CCSER1: variants seen among roughly 807,000 people sequenced by gnomAD.
CCSER1 encodes coiled-coil serine rich protein 1, also known as serine-rich coiled-coil domain-containing protein 1.
In CCSER1, 41 loss-of-function variants were observed where a neutral mutation model predicts 82.0. The ratio of observed to expected loss-of-function variants is 0.50; its 90% CI spans 0.39 to 0.65. CCSER1 has a LOEUF of 0.65. CCSER1 is among the 30% of genes least tolerant of loss of function. The probability of loss-of-function intolerance (pLI) is 0.00; values close to 1 mark genes in which losing one functional copy is unlikely to be tolerated. For synonymous variants in CCSER1, 414 were observed against 383.9 expected (o/e 1.08, Z -0.92); for missense variants, 1,119 against 1,064.2 (o/e 1.05, Z -0.72).
intron 4 of CCSER1, among the ~76,000 whole-genome samples, chr4:90,444,096 C>G (rs1163389428): frequency 6.6e-6 from 1 of 151,914 alleles, no homozygotes; most frequent in Non-Finnish European, 1.5e-5. Context: ...AAGTTATTAA[C>G]AGAGAAAATA....
chr4:91,547,841 G>A (rs1048781860), intron 10 of CCSER1, among the ~76,000 whole-genome samples: 1 of 152,070 alleles, frequency 6.6e-6, no homozygotes, highest in African/African-American at 2.4e-5. Context: ...GAGTGCAGTG[G>A]TGTGATCTCG....
At chr4:90,314,338 T>A (rs1210067125) in intron 3 of CCSER1, among the ~76,000 whole-genome samples, 1 of 152,192 alleles carries the variant, frequency 6.6e-6, no homozygotes, top group Non-Finnish European at 1.5e-5. Context: ...TGAAAATATG[T>A]TAAAGCGGAT....
chr4:90,276,242 CTT>C (rs1318015414), intron 1 of CCSER1, among the ~76,000 whole-genome samples: 1 of 112,892 alleles, frequency 8.9e-6, no homozygotes, highest in African/African-American at 3.6e-5. Flanking sequence ...TTCTTTCTTT[CTT>C]TCTTTCTTTC....
chr4:90,744,838 A>C (rs1220243744), intron 7 of CCSER1, among the ~76,000 whole-genome samples: 2 of 152,114 alleles, frequency 1.3e-5, no homozygotes, highest in Non-Finnish European at 2.9e-5. Context: ...TCATCCTGAA[A>C]CAAGTCCCCT....
intron 10 of CCSER1, among the ~76,000 whole-genome samples, chr4:91,435,046 T>C (rs1295069684): frequency 6.6e-6 from 1 of 152,226 alleles, no homozygotes; most frequent in African/African-American, 2.4e-5. Flanking sequence ...CCTGCTGGCA[T>C]GTACATGGGC....
chr4:90,401,602 C>G (rs1449056410), intron 4 of CCSER1, among the ~76,000 whole-genome samples: 1 of 152,074 alleles, frequency 6.6e-6, no homozygotes, highest in Non-Finnish European at 1.5e-5. Flanking sequence ...GGCGTGATCT[C>G]AGCTCACCAC....
chr4:90,271,500 T>G (rs577286470), intron 1 of CCSER1, among the ~76,000 whole-genome samples: 1 of 151,922 alleles, frequency 6.6e-6, no homozygotes, highest in Admixed American at 6.6e-5. Context: ...AAAAGTGGGT[T>G]AAAGACTTAA....
At chr4:90,846,703 C>G (rs907487042) in intron 8 of CCSER1, among the ~76,000 whole-genome samples, 2 of 150,406 alleles carry the variant, frequency 1.3e-5, no homozygotes, top group African/African-American at 4.9e-5. Context: ...TACCCATTAA[C>G]CAACCCGTCT....
intron 10 of CCSER1, among the ~76,000 whole-genome samples, chr4:91,448,845 C>T (rs1273283361): frequency 5.9e-5 from 9 of 152,052 alleles, no homozygotes; most frequent in Non-Finnish European, 1.0e-4. Flanking sequence ...CCTTGCAGAA[C>T]TTGCATTCTA....
chr4:91,075,680 G>T lies in CCSER1; in HGVS notation c.2173-10270G>T, dbSNP rs149220305. On this transcript the variant is annotated intron_variant, in intron 9 of 10. Transcript: ENST00000509176. ...TTTTAATATGTGTTTTAGTGGAAAT[G>T]ATATAAAAGTATAAAAATGCAAAGG... Among the ~76,000 whole-genome samples the T allele has an allele frequency of 7.7e-3, 1,179 of 152,192 alleles. 11 individuals carry two copies. The highest frequency in any genetic ancestry group is 0.026 in the African/African-American group (1,093 of 41,520).
intron 8 of CCSER1, among the ~76,000 whole-genome samples, chr4:90,900,792 G>A (rs1033215330): frequency 6.6e-6 from 1 of 151,914 alleles, no homozygotes; most frequent in Non-Finnish European, 1.5e-5. Flanking sequence ...TGAGTGTTCT[G>A]TAGATTTTTT....
chr4:90,902,195 AT>A (rs1030172680), intron 8 of CCSER1, among the ~76,000 whole-genome samples: 3 of 149,350 alleles, frequency 2.0e-5, no homozygotes, highest in African/African-American at 7.4e-5. Context: ...TATATCTTGC[AT>A]TTTTTTTCTG....
At chr4:90,797,172 T>G (rs1410274174) in intron 7 of CCSER1, among the ~76,000 whole-genome samples, 2 of 152,216 alleles carry the variant, frequency 1.3e-5, no homozygotes, top group Admixed American at 6.5e-5. Flanking sequence ...ACTCCTATGT[T>G]GGGTGCATAT....
chr4:90,232,935 C>A (rs1307742503), intron 1 of CCSER1, among the ~76,000 whole-genome samples: 2 of 150,636 alleles, frequency 1.3e-5, no homozygotes, highest in African/African-American at 4.9e-5. Context: ...TACCATCTCA[C>A]ACCAGTTAGA....
intron 5 of CCSER1, among the ~76,000 whole-genome samples, chr4:90,539,745 A>G (rs992047984): frequency 2.0e-5 from 3 of 152,084 alleles, no homozygotes; most frequent in African/African-American, 7.2e-5. Context: ...ATTGTAGCAA[A>G]AGGTAGTACC....
At chr4:91,108,198 C>G (rs532464997) in intron 10 of CCSER1, 3 of 152,272 alleles carry the variant, frequency 2.0e-5, no homozygotes, top group Admixed American at 2.0e-4. Context: ...TTTCTTAAAT[C>G]AAATCATTGC....
chr4:91,109,013 C>T (rs1024695336), intron 10 of CCSER1, among the ~76,000 whole-genome samples: 45 of 152,132 alleles, frequency 3.0e-4, no homozygotes, highest in Admixed American at 6.5e-5. Context: ...TTCTCTGTTC[C>T]GGAGCTGGGG....
chr4:90,299,245 T>TG (rs1356987245), intron 1 of CCSER1, among the ~76,000 whole-genome samples: 1 of 152,080 alleles, frequency 6.6e-6, no homozygotes, highest in East Asian at 1.9e-4. Context: ...TCTTTTTATC[T>TG]GGGGGATTGA....
intron 5 of CCSER1, among the ~76,000 whole-genome samples, chr4:90,611,429 C>T (rs954958754): frequency 3.3e-5 from 5 of 152,020 alleles, no homozygotes; most frequent in African/African-American, 1.2e-4. Context: ...GCCTTGATAT[C>T]CTTATAAGAT....
Sources: allele counts gnomAD v4.1 joint callset (sites outside exome capture counted in the v4.1 genomes callset), GRCh38; gene constraint gnomAD v4.1.1; transcripts MANE v1.5; gene names NCBI Gene and HGNC (gene_info 2026-07-23, HGNC 2026-07-21).